HTR7: variants seen among roughly 807,000 people sequenced by gnomAD.
HTR7 encodes the protein 5-hydroxytryptamine receptor 7.
A neutral mutation model predicts 34.0 loss-of-function variants in HTR7; 16 were observed. That is an observed-to-expected ratio of 0.47 (90% confidence interval 0.32 to 0.71). The LOEUF (loss-of-function observed/expected upper bound fraction) is 0.71, where lower values mean the gene tolerates loss of function less well. Among genes scored for constraint, HTR7 ranks in the 30% least tolerant of loss-of-function variants. The probability of loss-of-function intolerance (pLI) is 0.04; values close to 1 mark genes in which losing one functional copy is unlikely to be tolerated. For synonymous variants in HTR7, 265 were observed against 260.2 expected (o/e 1.02, Z -0.18); for missense variants, 504 against 625.5 (o/e 0.81, Z 2.07).
chr10:90,824,302 G>C (rs906846800), intron 1 of HTR7, among the ~76,000 whole-genome samples: 1 of 152,332 alleles, frequency 6.6e-6, no homozygotes, highest in Non-Finnish European at 1.5e-5. Context: ...TGAAGGAAAG[G>C]ATGTAGTCCT....
At chr10:90,792,105 A>G (rs1366014320) in intron 1 of HTR7, among the ~76,000 whole-genome samples, 1 of 152,162 alleles carries the variant, frequency 6.6e-6, no homozygotes, top group Non-Finnish European at 1.5e-5. Context: ...AAAATTTTAA[A>G]AACTGTTCAC....
chr10:90,803,408 C>T (rs942496713), intron 1 of HTR7, among the ~76,000 whole-genome samples: 4 of 152,118 alleles, frequency 2.6e-5, no homozygotes, highest in African/African-American at 7.2e-5. Context: ...TGGAGTTGTA[C>T]ACATCTCACT....
At chr10:90,814,618 G>T (rs1845870933) in intron 1 of HTR7, among the ~76,000 whole-genome samples, 1 of 152,174 alleles carries the variant, frequency 6.6e-6, no homozygotes. Context: ...GAAAAACAAT[G>T]AAACTCAGAG....
chr10:90,751,873 A>C (rs974492908), intron 1 of HTR7, among the ~76,000 whole-genome samples: 13 of 152,188 alleles, frequency 8.5e-5, no homozygotes, highest in African/African-American at 3.1e-4. Flanking sequence ...TGGCTAAGTA[A>C]ATAATACAGA....
At chr10:90,767,986 C>A (rs1467092115) in intron 1 of HTR7, among the ~76,000 whole-genome samples, 1 of 152,130 alleles carries the variant, frequency 6.6e-6, no homozygotes, top group African/African-American at 2.4e-5. Context: ...TTTAAAGTGT[C>A]TTATTCACTC....
chr10:90,837,652 A>G (rs986920088), intron 1 of HTR7, among the ~76,000 whole-genome samples: 1 of 152,246 alleles, frequency 6.6e-6, no homozygotes, highest in African/African-American at 2.4e-5. Context: ...AATCTGTGGT[A>G]TTCTGTTATA....
intron 1 of HTR7, among the ~76,000 whole-genome samples, chr10:90,831,666 T>G (rs1846181536): frequency 6.6e-6 from 1 of 152,198 alleles, no homozygotes; most frequent in Non-Finnish European, 1.5e-5. Context: ...GAGAGCCGAT[T>G]GGTCTGTTTT....
rs528048598 is a variant in HTR7, at chr10:90,784,978, T to C, written c.540-35384A>G. 2.0e-5 allele frequency among the ~76,000 whole-genome samples: 3 copies of C among 152,342 alleles called. No homozygotes were observed. In the East Asian group the frequency reaches 5.8e-4, roughly 29 times the overall value. On this transcript the variant is annotated intron_variant, in intron 1 of 3. Transcript: ENST00000336152. Reference sequence around the variant, plus strand: ...CCATAGACTTCTTCAGGCTAAGACTTACTCATTTTTTAGATATCAGCTAGG... The same window carrying C: ...CCATAGACTTCTTCAGGCTAAGACTCACTCATTTTTTAGATATCAGCTAGG...
intron 1 of HTR7, among the ~76,000 whole-genome samples, chr10:90,817,511 T>C (rs944656623): frequency 1.3e-5 from 2 of 152,346 alleles, no homozygotes; most frequent in Non-Finnish European, 2.9e-5. Context: ...TTATGTAAGA[T>C]GTAGATTTAC....
chr10:90,836,437 C>A (rs549995339), intron 1 of HTR7, among the ~76,000 whole-genome samples: 1 of 152,160 alleles, frequency 6.6e-6, no homozygotes, highest in Non-Finnish European at 1.5e-5. Flanking sequence ...GTATTAATAA[C>A]AATGCTGCCT....
chr10:90,851,042 A>G (rs1846489925), intron 1 of HTR7, among the ~76,000 whole-genome samples: 1 of 152,176 alleles, frequency 6.6e-6, no homozygotes, highest in Non-Finnish European at 1.5e-5. Context: ...CAGGGTTAAC[A>G]GTAAATAAAC....
At chr10:90,854,150 G>C (rs1316662610) in intron 1 of HTR7, among the ~76,000 whole-genome samples, 1 of 152,230 alleles carries the variant, frequency 6.6e-6, no homozygotes, top group Non-Finnish European at 1.5e-5. Flanking sequence ...CGGATCAGTT[G>C]ATGTCATGAG....
At chr10:90,825,710 A>G (rs1422053784) in intron 1 of HTR7, among the ~76,000 whole-genome samples, 3 of 152,250 alleles carry the variant, frequency 2.0e-5, no homozygotes, top group Non-Finnish European at 4.4e-5. Flanking sequence ...TGAAATTGAC[A>G]TACTGAAGAA....
intron 1 of HTR7, among the ~76,000 whole-genome samples, chr10:90,846,903 G>C (rs1846420117): frequency 6.6e-6 from 1 of 152,164 alleles, no homozygotes; most frequent in South Asian, 2.1e-4. Flanking sequence ...AAGGGTTATT[G>C]ACTTGTGCTT....
chr10:90,838,518 A>C (rs1021333736), intron 1 of HTR7, among the ~76,000 whole-genome samples: 1 of 152,188 alleles, frequency 6.6e-6, no homozygotes, highest in East Asian at 1.9e-4. Context: ...CCACAAAGTA[A>C]CCACAATGAA....
At chr10:90,783,999 A>G (rs1234417062) in intron 1 of HTR7, among the ~76,000 whole-genome samples, 1 of 152,224 alleles carries the variant, frequency 6.6e-6, no homozygotes. Context: ...GACAGCTACA[A>G]TACAATTATA....
intron 1 of HTR7, among the ~76,000 whole-genome samples, chr10:90,812,321 T>C (rs1229218157): frequency 2.0e-5 from 3 of 152,038 alleles, no homozygotes; most frequent in Admixed American, 6.6e-5. Context: ...TTGTTTACAC[T>C]GCCGGTTTAC....
At chr10:90,771,877 T>C (rs1255183565) in intron 1 of HTR7, among the ~76,000 whole-genome samples, 1 of 150,892 alleles carries the variant, frequency 6.6e-6, no homozygotes, top group Non-Finnish European at 1.5e-5. Context: ...GCCAGAGAAA[T>C]GACAACCCAA....
chr10:90,856,988 T>A (rs776184097), intron 1 of HTR7, 145 bp downstream of exon 1: 85 of 707,238 alleles, frequency 1.2e-4, no homozygotes, highest in Admixed American at 6.0e-5. Flanking sequence ...TGGTGTAGGG[T>A]GGATTGGGGG....
Sources: gnomAD v4.1 joint callset for allele counts (sites outside exome capture counted in the v4.1 genomes callset) on GRCh38, gnomAD v4.1.1 for gene constraint, MANE v1.5 for transcripts, NCBI Gene and HGNC (gene_info 2026-07-23, HGNC 2026-07-21) for gene names.